The following HHAT variants were observed in gnomAD, a reference collection of about 807,000 sequenced individuals.
HHAT encodes hedgehog acyltransferase.
In HHAT, 47 loss-of-function variants were observed where a neutral mutation model predicts 70.8. The ratio of observed to expected loss-of-function variants is 0.66; its 90% confidence interval spans 0.53 to 0.85. The LOEUF is 0.85. Among genes scored for constraint, HHAT ranks in the 40% least tolerant of loss-of-function variants. The probability of loss-of-function intolerance (pLI) is 0.00; values close to 1 mark genes in which losing one functional copy is unlikely to be tolerated. For synonymous variants in HHAT, 228 were observed against 247.6 expected (o/e 0.92, Z 0.74); for missense variants, 609 against 604.8 (o/e 1.01, Z -0.07).
intron 8 of HHAT, among the ~76,000 whole-genome samples, chr1:210,511,962 G>A (rs770220115): frequency 5.3e-5 from 8 of 151,958 alleles, no homozygotes; most frequent in African/African-American, 1.5e-4. Context: ...CTCACAGTCC[G>A]ACCCAAAGGG....
At chr1:210,645,364 GC>G (rs1276731526) in intron 11 of HHAT, among the ~76,000 whole-genome samples, 1 of 152,104 alleles carries the variant, frequency 6.6e-6, no homozygotes, top group Admixed American at 6.5e-5. Context: ...TGCAAGCTCT[GC>G]CCCCCGGGTT....
At chr1:210,373,080 A>G (rs959790046) in intron 3 of HHAT, among the ~76,000 whole-genome samples, 1 of 152,164 alleles carries the variant, frequency 6.6e-6, no homozygotes, top group Non-Finnish European at 1.5e-5. Flanking sequence ...GAATCCTTCA[A>G]ATGCTAACTC....
chr1:210,492,041 G>C (rs764564873), intron 8 of HHAT, among the ~76,000 whole-genome samples: 2 of 152,160 alleles, frequency 1.3e-5, no homozygotes, highest in Admixed American at 1.3e-4. Flanking sequence ...GGGATTATGG[G>C]TGTGAGCCAC....
intron 9 of HHAT, among the ~76,000 whole-genome samples, chr1:210,569,183 G>A (rs894123768): frequency 1.3e-5 from 2 of 151,822 alleles, no homozygotes; most frequent in African/African-American, 4.8e-5. Flanking sequence ...AGACCAGCCT[G>A]GCCAACATGG....
intron 10 of HHAT, among the ~76,000 whole-genome samples, chr1:210,623,259 A>T (rs1047476765): frequency 5.3e-5 from 8 of 152,100 alleles, no homozygotes. Context: ...GTTTTTGTAG[A>T]GATGGTATAT....
At chr1:210,416,734 G>A (rs1357688265) in intron 6 of HHAT, among the ~76,000 whole-genome samples, 1 of 152,144 alleles carries the variant, frequency 6.6e-6, no homozygotes, top group Admixed American at 6.5e-5. Flanking sequence ...GCTCTGAGCT[G>A]TCTCCTAATG....
chr1:210,353,390 G>A (rs2087250339), intron 2 of HHAT, among the ~76,000 whole-genome samples: 1 of 148,458 alleles, frequency 6.7e-6, no homozygotes, highest in African/African-American at 2.5e-5. Flanking sequence ...AAAAACTATT[G>A]AATTCCCATC....
At chr1:210,404,928 C>T (rs1436934374) in intron 6 of HHAT, among the ~76,000 whole-genome samples, 1 of 152,080 alleles carries the variant, frequency 6.6e-6, no homozygotes, top group Non-Finnish European at 1.5e-5. Flanking sequence ...TGAACTCTGG[C>T]AACCAGGATT....
At chr1:210,412,730 C>G (rs749631050) in intron 6 of HHAT, among the ~76,000 whole-genome samples, 1 of 152,224 alleles carries the variant, frequency 6.6e-6, no homozygotes, top group Non-Finnish European at 1.5e-5. Context: ...TGCAGATCAC[C>G]CAGGCCAGAA....
At chr1:210,533,828 A>G (rs1454609464) in intron 9 of HHAT, among the ~76,000 whole-genome samples, 2 of 152,212 alleles carry the variant, frequency 1.3e-5, no homozygotes, top group Non-Finnish European at 2.9e-5. Flanking sequence ...TCAAAGATTG[A>G]TAATTTAGTC....
At chr1:210,533,938 T>C (rs1448728945) in intron 9 of HHAT, among the ~76,000 whole-genome samples, 1 of 152,200 alleles carries the variant, frequency 6.6e-6, no homozygotes, top group African/African-American at 2.4e-5. Context: ...GGCTTGGTGA[T>C]GCAGAATACT....
intron 1 of HHAT, among the ~76,000 whole-genome samples, chr1:210,343,982 TATAAGAAAACATCTGGGAG>T: frequency 6.6e-6 from 1 of 152,158 alleles, no homozygotes; most frequent in Non-Finnish European, 1.5e-5. Flanking sequence ...TCAACAACCC[TATAAGAAAACATCTGGGAG>T]GCCGTTATCT....
Position 210,674,652 on chromosome 1 carries a change from G to A in HHAT, c.*273G>A, listed in dbSNP as rs140503607. On this transcript the variant is annotated 3_prime_UTR_variant, in exon 12 of 12. Coordinates refer to ENST00000261458, the MANE Select transcript of HHAT (RefSeq NM_018194.6). Reference sequence around the variant, plus strand: ...CGTGTGTCTTACCCAGCTACACAGGGTGACATTTTGGTCTAGAACCTAGTC... The same window carrying A: ...CGTGTGTCTTACCCAGCTACACAGGATGACATTTTGGTCTAGAACCTAGTC... 2.4e-5 allele frequency: 9 copies of A among 380,374 alleles called. No individual in the cohort carries two copies. Among genetic ancestry groups the A allele is most frequent in the Non-Finnish European group, 4.2e-5 (9 of 212,058 alleles). The allele number at this position is 380,374 out of a possible 1,614,324, so 23.6% of individuals were successfully genotyped here. A position where few individuals can be genotyped will look rare whatever the true frequency, so the allele number is the denominator to read the frequency against.
At chr1:210,426,410 T>C (rs193004244) in intron 7 of HHAT, among the ~76,000 whole-genome samples, 139 of 152,324 alleles carry the variant, frequency 9.1e-4, no homozygotes, top group African/African-American at 3.2e-3. Flanking sequence ...GGCATCCTTA[T>C]CTTGTACCAG....
chr1:210,598,168 C>A (rs1349499726), intron 10 of HHAT, among the ~76,000 whole-genome samples: 3 of 151,936 alleles, frequency 2.0e-5, no homozygotes, highest in Admixed American at 6.6e-5. Flanking sequence ...GCCTGGCCCC[C>A]TATCTTACTG....
chr1:210,514,673 G>T (rs1020629663), intron 9 of HHAT, among the ~76,000 whole-genome samples: 1 of 152,152 alleles, frequency 6.6e-6, no homozygotes, highest in African/African-American at 2.4e-5. Context: ...AAACATTAGG[G>T]CTAGGAGGGA....
intron 11 of HHAT, chr1:210,630,927 C>A: frequency 2.5e-6 from 1 of 398,740 alleles, no homozygotes; most frequent in South Asian, 1.9e-5. Flanking sequence ...GAAACTGAAG[C>A]CATATAATTT....
At chr1:210,659,230 G>A (rs1400174232) in intron 11 of HHAT, among the ~76,000 whole-genome samples, 1 of 152,128 alleles carries the variant, frequency 6.6e-6, no homozygotes, top group East Asian at 1.9e-4. Context: ...TCAAATAGAT[G>A]CAATAACAAA....
chr1:210,458,426 T>C (rs1014161149), intron 7 of HHAT, among the ~76,000 whole-genome samples: 9 of 152,196 alleles, frequency 5.9e-5, no homozygotes, highest in Non-Finnish European at 1.2e-4. Context: ...TCCGATCTTA[T>C]AGATAACTAG....
Sources: allele counts gnomAD v4.1 joint callset (sites outside exome capture counted in the v4.1 genomes callset), GRCh38; gene constraint gnomAD v4.1.1; transcripts MANE v1.5; gene names NCBI Gene and HGNC (gene_info 2026-07-23, HGNC 2026-07-21).